Variants in ZNF469 observed in about 807,000 individuals in gnomAD.
ZNF469 encodes the protein zinc finger protein 469.
In ZNF469, 1 loss-of-function variant was observed where a neutral mutation model predicts 1.0. That is an observed-to-expected ratio of 1.00 (90% CI 0.35 to 4.73). The LOEUF (loss-of-function observed/expected upper bound fraction) is 4.73, where lower values mean the gene tolerates loss of function less well. ZNF469 is among the 30% of genes most tolerant of loss of function. The probability of loss-of-function intolerance (pLI) is 0.16; values close to 1 mark genes in which losing one functional copy is unlikely to be tolerated. For missense variants in ZNF469, 6,100 were observed against 5,356.3 expected, an observed-to-expected ratio of 1.14 and a Z score of -4.33; for synonymous variants, 2,703 against 2,363.4, an observed-to-expected ratio of 1.14 and a Z score of -4.17.
intron 2 of ZNF469, among the ~76,000 whole-genome samples, chr16:88,426,406 C>T (rs975186205): frequency 1.3e-5 from 2 of 152,268 alleles, no homozygotes; most frequent in African/African-American, 2.4e-5. Context: ...CTGCGCACCT[C>T]GTGGCCACAG....
the ZNF469 span, among the ~76,000 whole-genome samples, chr16:88,332,045 G>A: frequency 5.4e-4 from 82 of 152,316 alleles, no homozygotes; most frequent in African/African-American, 1.7e-3. Context: ...GCCCTTGGCA[G>A]CCCCCGAGTC....
At chr16:88,124,014 G>T in the ZNF469 span, among the ~76,000 whole-genome samples, 5 of 152,176 alleles carry the variant, frequency 3.3e-5, no homozygotes, top group African/African-American at 1.2e-4. Context: ...TCTTGGTCAG[G>T]CTGGTCTCGA....
At chr16:88,178,936 G>A in the ZNF469 span, 2 of 132,540 alleles carry the variant, frequency 1.5e-5, no homozygotes, top group African/African-American at 5.1e-5. Context: ...CCTCTTTCAT[G>A]GGTTTCTGCA....
At chr16:88,197,515 G>A in the ZNF469 span, among the ~76,000 whole-genome samples, 1 of 152,234 alleles carries the variant, frequency 6.6e-6, no homozygotes, top group South Asian at 2.1e-4. Flanking sequence ...GAATTGGGAT[G>A]GCACGATCAG....
At chr16:88,368,877 G>A in the ZNF469 span, among the ~76,000 whole-genome samples, 1 of 152,108 alleles carries the variant, frequency 6.6e-6, no homozygotes, top group Non-Finnish European at 1.5e-5. Flanking sequence ...TCAGGAGTTC[G>A]AGACCAGCCT....
chr16:88,219,936 G>A, the ZNF469 span, among the ~76,000 whole-genome samples: 2 of 152,268 alleles, frequency 1.3e-5, no homozygotes, highest in East Asian at 3.9e-4. Context: ...TAGAGAGAAG[G>A]CACCTGAGAC....
the ZNF469 span, among the ~76,000 whole-genome samples, chr16:88,180,535 G>C: frequency 6.6e-6 from 1 of 152,182 alleles, no homozygotes; most frequent in African/African-American, 2.4e-5. Flanking sequence ...ACTTTGGGAG[G>C]CCGAGGCGGG....
chr16:88,110,030 G>T, the ZNF469 span, among the ~76,000 whole-genome samples: 1 of 152,248 alleles, frequency 6.6e-6, no homozygotes, highest in East Asian at 1.9e-4. Context: ...CCAGAAACTA[G>T]CACCAGAATG....
the ZNF469 span, among the ~76,000 whole-genome samples, chr16:88,102,049 A>AT: frequency 1.4e-5 from 2 of 145,452 alleles, no homozygotes; most frequent in Non-Finnish European, 3.0e-5. Context: ...CAGAAGTGAC[A>AT]TTCACCCCCC....
the ZNF469 span, among the ~76,000 whole-genome samples, chr16:88,257,263 C>T: frequency 2.8e-3 from 424 of 152,154 alleles, 3 homozygotes; most frequent in South Asian, 0.019. Context: ...CGTGCCCAGC[C>T]GGGAGCATCT....
At chr16:88,379,422 C>T (rs377540059), upstream of ZNF469, among the ~76,000 whole-genome samples, 37 of 152,262 alleles carry the variant, frequency 2.4e-4, no homozygotes, top group East Asian at 3.3e-3. Flanking sequence ...CAGGCAACTC[C>T]TTCCAGGAGG....
chr16:88,330,234 T>C, the ZNF469 span, among the ~76,000 whole-genome samples: 2 of 152,234 alleles, frequency 1.3e-5, no homozygotes, highest in Non-Finnish European at 2.9e-5. Context: ...TGTGGCATCC[T>C]GTGGGCGTCC....
chr16:88,192,346 T>C, the ZNF469 span: 10 of 152,278 alleles, frequency 6.6e-5, no homozygotes, highest in African/African-American at 1.9e-4. Context: ...GAAAGAAGTC[T>C]GAGCCAGGTA....
the ZNF469 span, among the ~76,000 whole-genome samples, chr16:88,352,026 G>T: frequency 1.2e-4 from 18 of 152,206 alleles, no homozygotes; most frequent in Admixed American, 3.9e-4. Flanking sequence ...AGGTGGTGCA[G>T]CCACAACAGG....
chr16:88,227,035 C>T, the ZNF469 span, among the ~76,000 whole-genome samples: 1 of 146,840 alleles, frequency 6.8e-6, no homozygotes, highest in Non-Finnish European at 1.5e-5. Context: ...CGCGTTTCCA[C>T]CCGTGCCTCC....
Position 88,430,208 on chromosome 16 carries a change from C to G in ZNF469, c.2738C>G (p.Pro913Arg). ...ACGCCGGACCCCCAAACCCCCCGCC[C>G]TGGGGACAGGGGCTGCCCAGCCCGA... ...AATPDPQTPRPGDRGCPARGR... is the reference protein window; with the variant it reads ...AATPDPQTPRRGDRGCPARGR... The change falls in exon 3 of 3, where the codon CCT becomes CGT. Residue 913 changes from proline (P) to arginine (R), a missense_variant. Physicochemically the swap from Pro to Arg is moderately radical, Grantham distance 103 (BLOSUM62 -2). Coordinates refer to ENST00000565624, the MANE Select transcript of ZNF469 (RefSeq NM_001367624.2). 1.6e-5 allele frequency: 24 copies of G among 1,545,250 alleles called. No homozygotes were observed. Among genetic ancestry groups the G allele is most frequent in the Non-Finnish European group, 2.1e-5 (24 of 1,144,392 alleles).
the ZNF469 span, among the ~76,000 whole-genome samples, chr16:88,232,762 G>A: frequency 2.0e-5 from 3 of 152,252 alleles, no homozygotes; most frequent in Admixed American, 1.3e-4. Flanking sequence ...GCATTGCCCA[G>A]ATTGCAACTC....
chr16:88,312,490 G>A, the ZNF469 span, among the ~76,000 whole-genome samples: 14 of 152,206 alleles, frequency 9.2e-5, no homozygotes, highest in Middle Eastern at 3.4e-3. Flanking sequence ...TCACTTGCTC[G>A]TGTGCCTGTG....
chr16:88,421,052 G>A (rs1238470120), intron 1 of ZNF469, among the ~76,000 whole-genome samples: 3 of 152,222 alleles, frequency 2.0e-5, no homozygotes, highest in African/African-American at 7.2e-5. Flanking sequence ...GCAGATTGGG[G>A]AGAACCTGGC....
Sources: allele counts gnomAD v4.1 joint callset (sites outside exome capture counted in the v4.1 genomes callset), GRCh38; gene constraint gnomAD v4.1.1; transcripts MANE v1.5; gene names NCBI Gene and HGNC (gene_info 2026-07-23, HGNC 2026-07-21).